Variants in CNOT1 observed in about 807,000 individuals in gnomAD.
The protein encoded by CNOT1 is CCR4-NOT transcription complex subunit 1, also known as CCR4-associated factor 1.
CNOT1 carries 15 observed loss-of-function variants against 273.8 expected under a neutral mutation model. The observed-to-expected ratio is 0.05, with a 90% confidence interval of 0.04 to 0.08. The LOEUF (loss-of-function observed/expected upper bound fraction) is 0.08, where lower values mean the gene tolerates loss of function less well. Ranked by LOEUF, CNOT1 falls within the 10% of genes least tolerant of loss-of-function variation. CNOT1 has a pLI of 1.00. For missense variants in CNOT1, 1,644 were observed against 2,912.2 expected, an observed-to-expected ratio of 0.56 and a Z score of 10.02; for synonymous variants, 1,022 against 1,005.5, an observed-to-expected ratio of 1.02 and a Z score of -0.31.
intron 40 of CNOT1, chr16:58,533,144 G>C (rs1178736111): frequency 6.6e-6 from 1 of 152,218 alleles, no homozygotes; most frequent in African/African-American, 2.4e-5. Flanking sequence ...TTCTAAGACA[G>C]AGCGGGTATG....
At chr16:58,617,806 G>A (rs951496101) in intron 1 of CNOT1, among the ~76,000 whole-genome samples, 4 of 152,124 alleles carry the variant, frequency 2.6e-5, no homozygotes, top group African/African-American at 7.2e-5. Context: ...AGGAGCTCAA[G>A]ACCAGCTTGG....
At chr16:58,614,696 GA>G (rs2043015195) in intron 1 of CNOT1, among the ~76,000 whole-genome samples, 1 of 125,172 alleles carries the variant, frequency 8.0e-6, no homozygotes, top group Non-Finnish European at 1.9e-5. Context: ...CTTTGCTATA[GA>G]AAAACACTTT....
intron 7 of CNOT1, among the ~76,000 whole-genome samples, chr16:58,585,983 T>C (rs79735158): frequency 0.015 from 2,266 of 151,950 alleles, 44 homozygotes; most frequent in African/African-American, 0.052. Flanking sequence ...ACTATCAGAT[T>C]TGTTGTGAAA....
At position 58,551,689 on chromosome 16, in the gene CNOT1, C is replaced by T. The variant is rs145704065; in HGVS notation, c.3101G>A (p.Gly1034Asp). 3.7e-6 allele frequency: 6 copies of T among 1,614,094 alleles called. No individual in the cohort carries two copies. Among genetic ancestry groups the T allele is most frequent in the African/African-American group, 2.7e-5 (2 of 74,920 alleles). ...AQVPAKAPLA[G>D]QVSTMVTTST... is the part of the protein sequence containing the mutation. ...GGTGGTTACCATAGTGCTAACTTGA[C>T]CAGCAAGAGGAGCTTTTGCTGGAAC... Residue 1034 changes from glycine to aspartate, a missense_variant, in exon 23 of 49, where the codon GGT (glycine) becomes GAT (aspartate). By Grantham distance (94) the Gly-to-Asp change is moderately conservative (BLOSUM62 -1). This residue lies in a region of CNOT1 where 77 missense variants were observed against 90.5 expected (regional missense o/e 0.85). Transcript: ENST00000317147.
At chr16:58,538,587 T>C (rs753733979) in intron 36 of CNOT1, among the ~76,000 whole-genome samples, 185 bp downstream of exon 36, 5 of 152,096 alleles carry the variant, frequency 3.3e-5, no homozygotes, top group Non-Finnish European at 7.3e-5. Flanking sequence ...ATATCCAACA[T>C]GGGGAGAAGG....
Position 58,538,209 on chromosome 16 carries a change from T to C in CNOT1, c.5193A>G (p.Leu1731=). Residue 1731 remains leucine (L), a synonymous_variant, in exon 37 of 49, where the codon CTA becomes CTG. Transcript: ENST00000317147. The part of the protein sequence containing the change: ...YKYNVEAVEL[L]IRNHLVNMQQ... ...GCATATTAACCAAATGATTGCGAAT[T>C]AGCAGCTCCACAGCCTCCACATTAT... The C allele has an allele frequency of 6.6e-7, 1 of 1,514,386 alleles. No homozygotes were observed. Among genetic ancestry groups the C allele is most frequent in the Non-Finnish European group, 9.2e-7 (1 of 1,088,848 alleles). The allele number at this position is 1,514,386 out of a possible 1,614,324, so 93.8% of individuals were successfully genotyped here.
rs935410351 is a variant in CNOT1, at chr16:58,551,389, G to A, written c.3202-117C>T. ...ATACACATGGTATGACTGTGTATTAGAAATGTAGGCAAGAATAGTGAACTA... is the reference window on the plus strand; with the variant it reads ...ATACACATGGTATGACTGTGTATTAAAAATGTAGGCAAGAATAGTGAACTA... On this transcript the variant is annotated intron_variant, in intron 23 of 48. Coordinates refer to ENST00000317147, the MANE Select transcript of CNOT1 (RefSeq NM_016284.5). 3 of 1,244,950 alleles carry A rather than the reference G, an allele frequency of 2.4e-6. No individual in the cohort carries two copies. The African/African-American group carries it at 4.5e-5, about 19-fold the overall frequency. The allele number at this position is 1,244,950 out of a possible 1,614,324, so 77.1% of individuals were successfully genotyped here.
chr16:58,580,065 C>T (rs1460915162), intron 12 of CNOT1, among the ~76,000 whole-genome samples: 4 of 151,908 alleles, frequency 2.6e-5, no homozygotes, highest in Admixed American at 2.0e-4. Flanking sequence ...TAAAACTTAG[C>T]CCAGGGCGGT....
Position 58,549,743 on chromosome 16 carries a change from C to T in CNOT1, c.3498G>A (p.Leu1166=). Residue 1166 remains leucine, a synonymous_variant, in exon 25 of 49, where the codon CTG becomes CTA. Transcript: ENST00000317147. The part of the protein sequence containing the change: ...LKNPEFNKMV[L]NETYRNIKVL... ...CTTTAATGTTTCTGTAGGTCTCATTCAGAACCATCTTGTTAAATTCAGGAT... is the reference window on the plus strand; with the variant it reads ...CTTTAATGTTTCTGTAGGTCTCATTTAGAACCATCTTGTTAAATTCAGGAT... 6 of 1,611,414 alleles carry T rather than the reference C, an allele frequency of 3.7e-6. No homozygotes were observed. In the South Asian group the frequency reaches 6.7e-5, roughly 18 times the overall value.
intron 43 of CNOT1, among the ~76,000 whole-genome samples, chr16:58,529,840 CAAAAAAAAAAAAAAAA>C (rs58854069): frequency 1.9e-4 from 13 of 69,366 alleles, no homozygotes; most frequent in African/African-American, 5.6e-4. Context: ...GACTCTGTCT[CAAAAAAAAAAAAAAAA>C]AAAAAAAAAA....
chr16:58,622,111 G>A (rs2043353161), intron 1 of CNOT1, among the ~76,000 whole-genome samples: 1 of 151,132 alleles, frequency 6.6e-6, no homozygotes, highest in Admixed American at 6.6e-5. Context: ...AGGAGATCGA[G>A]ACCATCCTGG....
Position 58,545,483 on chromosome 16 carries a change from T to C in CNOT1, c.4015A>G (p.Thr1339Ala), listed in dbSNP as rs185370562. ...CAAGTGGTGTTGGTAGCTGGTGTAG[T>C]AGAAGTTGCTAAATGTCAAGTAATA... ...LPPITTTTTS[T>A]TPATNTTCTA... The change falls in exon 30 of 49, where the codon ACT becomes GCT. Residue 1339 changes from threonine to alanine, a missense_variant. Physicochemically the swap from Thr to Ala is moderately conservative, Grantham distance 58 (BLOSUM62 0). Around this residue, in one of 13 missense-constraint regions of CNOT1, gnomAD observed 52 missense variants for 50.2 expected, o/e 1.04. Transcript: ENST00000317147. 52 of 1,613,878 alleles carry C rather than the reference T, an allele frequency of 3.2e-5. No individual in the cohort carries two copies. The Admixed American group carries it at 4.0e-4, about 12-fold the overall frequency.
At chr16:58,548,782 T>C (rs758966386) in intron 25 of CNOT1, 3 of 368,058 alleles carry the variant, frequency 8.2e-6, no homozygotes, top group South Asian at 4.0e-5. Flanking sequence ...CAGTAGAATT[T>C]GACCTTAAAC....
chr16:58,615,963 T>G (rs1402463735), intron 1 of CNOT1, among the ~76,000 whole-genome samples: 1 of 119,558 alleles, frequency 8.4e-6, no homozygotes, highest in Non-Finnish European at 2.0e-5. Context: ...GGCAAATGCC[T>G]TTGGCCCTAG....
At position 58,528,472 on chromosome 16, in the gene CNOT1, T is replaced by C. The variant is rs373218331; in HGVS notation, c.6453+3A>G. On this transcript the variant is annotated splice_donor_region_variant and intron_variant, in intron 44 of 48. Coordinates refer to ENST00000317147, the MANE Select transcript of CNOT1 (RefSeq NM_016284.5). ...GTTTTCCTTTAACTAGTTGGAACCT[T>C]ACCTTTAGATTAGGAGTGAATGGGT... 1.5e-5 allele frequency: 24 copies of C among 1,608,536 alleles called. No individual in the cohort carries two copies. In the African/African-American group the frequency reaches 3.2e-4, roughly 22 times the overall value.
At chr16:58,522,228 A>G (rs2039412296) in intron 47 of CNOT1, among the ~76,000 whole-genome samples, 1 of 128,118 alleles carries the variant, frequency 7.8e-6, no homozygotes. Context: ...CGACAAAGCG[A>G]GACTGTCTCA....
At position 58,585,489 on chromosome 16, in the gene CNOT1, A is replaced by G; in HGVS notation, c.655T>C (p.Cys219Arg). ...TLRRDFPQER[C>R]PVVLAPLLYP... ...AAAAGTGGTGCGAGCACCACGGGAC[A>G]GCGTTCTTGGGGAAAATCTGAGAGA... is the stretch of plus-strand genomic sequence containing the variant. The change falls in exon 8 of 49, where the codon TGT (cysteine) becomes CGT (arginine). Residue 219 changes from cysteine to arginine, a missense_variant. Physicochemically the swap from Cys to Arg is radical, Grantham distance 180 (BLOSUM62 -3). This residue lies in a region of CNOT1 where 706 missense variants were observed against 1,021.2 expected (regional missense o/e 0.69). Transcript: ENST00000317147. The G allele has an allele frequency of 6.2e-7, 1 of 1,611,846 alleles. No individual in the cohort carries two copies. Among genetic ancestry groups the G allele is most frequent in the Non-Finnish European group, 8.5e-7 (1 of 1,179,568 alleles).
chr16:58,577,306 G>A (rs1168088009), intron 13 of CNOT1, among the ~76,000 whole-genome samples: 2 of 152,162 alleles, frequency 1.3e-5, no homozygotes, highest in Admixed American at 6.5e-5. Context: ...TCGTTTACCA[G>A]CCCTTTCTAC....
At chr16:58,546,809 A>C in intron 27 of CNOT1, 60 bp from the exon 28 acceptor site, 1 of 1,601,770 alleles carries the variant, frequency 6.2e-7, no homozygotes, top group East Asian at 2.2e-5. Context: ...TGGATTATTT[A>C]AAACAATTCA....
Sources: allele counts gnomAD v4.1 joint callset (sites outside exome capture counted in the v4.1 genomes callset), GRCh38; gene constraint gnomAD v4.1.1; regional missense constraint gnomAD v4.1.1; transcripts MANE v1.5; gene names NCBI Gene and HGNC (gene_info 2026-07-23, HGNC 2026-07-21).